The following PLCXD3 variants were observed in gnomAD, a reference collection of about 807,000 sequenced individuals.
The protein encoded by PLCXD3 is phosphatidylinositol specific phospholipase C X domain containing 3, also known as PI-PLC X domain-containing protein 3.
Under a neutral mutation model 25.5 loss-of-function variants are expected in PLCXD3, and 19 were observed. The observed-to-expected ratio is 0.75, with a 90% confidence interval of 0.52 to 1.09. The LOEUF (loss-of-function observed/expected upper bound fraction) is 1.09, where lower values mean the gene tolerates loss of function less well. Among genes scored for constraint, PLCXD3 ranks in the 50% least tolerant of loss-of-function variants. The pLI is 0.00. For synonymous variants in PLCXD3, 174 were observed against 137.6 expected, an observed-to-expected ratio of 1.26 and a Z score of -1.85; for missense variants, 411 against 388.1, an observed-to-expected ratio of 1.06 and a Z score of -0.50.
chr5:41,381,718 C>T (rs1341688225), intron 2 of PLCXD3, 108 bp downstream of exon 2: 4 of 992,514 alleles, frequency 4.0e-6, no homozygotes, highest in African/African-American at 3.3e-5. Context: ...TATTGCAGCC[C>T]CAGGGACCTA....
intron 2 of PLCXD3, among the ~76,000 whole-genome samples, chr5:41,332,104 C>A (rs1353399049): frequency 0.012 from 1,864 of 151,832 alleles, 49 homozygotes; most frequent in African/African-American, 0.043. Context: ...GGATCTAATT[C>A]AACTAAAGAG....
At chr5:41,430,732 C>T (rs545687712) in intron 1 of PLCXD3, among the ~76,000 whole-genome samples, 6 of 152,154 alleles carry the variant, frequency 3.9e-5, no homozygotes, top group South Asian at 2.1e-4. Context: ...TAGTAATTAG[C>T]GCTGGCATAA....
chr5:41,488,115 C>T (rs866639303), intron 1 of PLCXD3, among the ~76,000 whole-genome samples: 89 of 145,170 alleles, frequency 6.1e-4, no homozygotes, highest in Middle Eastern at 7.1e-3. Context: ...TGATGTTCCC[C>T]TTCCTGTGTC....
At chr5:41,357,291 C>A (rs1171994727) in intron 2 of PLCXD3, among the ~76,000 whole-genome samples, 1 of 151,978 alleles carries the variant, frequency 6.6e-6, no homozygotes, top group Non-Finnish European at 1.5e-5. Context: ...ATATAGCTGT[C>A]AAAAATACTG....
intron 1 of PLCXD3, among the ~76,000 whole-genome samples, chr5:41,395,152 CA>C (rs1400810306): frequency 2.0e-5 from 3 of 152,000 alleles, no homozygotes; most frequent in Non-Finnish European, 4.4e-5. Flanking sequence ...GAATAAAACT[CA>C]ATTTTAACAA....
intron 1 of PLCXD3, among the ~76,000 whole-genome samples, chr5:41,429,247 G>A (rs1335247437): frequency 1.3e-5 from 2 of 151,774 alleles, no homozygotes; most frequent in Admixed American, 1.3e-4. Flanking sequence ...TGCTTACAAA[G>A]GACAAAGTGA....
intron 2 of PLCXD3, among the ~76,000 whole-genome samples, chr5:41,358,523 T>C (rs1226545614): frequency 6.6e-6 from 1 of 152,180 alleles, no homozygotes; most frequent in Admixed American, 6.5e-5. Flanking sequence ...CCTCATAGCT[T>C]AGCTCCCACT....
chr5:41,479,087 T>C (rs1748340473), intron 1 of PLCXD3, among the ~76,000 whole-genome samples: 1 of 152,168 alleles, frequency 6.6e-6, no homozygotes, highest in Non-Finnish European at 1.5e-5. Context: ...TCACCAAATG[T>C]TCATTGACAG....
chr5:41,460,533 C>T (rs1049588796), intron 1 of PLCXD3, among the ~76,000 whole-genome samples: 1 of 151,940 alleles, frequency 6.6e-6, no homozygotes, highest in Admixed American at 6.6e-5. Flanking sequence ...GAGTACCTGG[C>T]ATACTGAAAG....
At chr5:41,343,692 T>C (rs1252168270) in intron 2 of PLCXD3, among the ~76,000 whole-genome samples, 2 of 152,114 alleles carry the variant, frequency 1.3e-5, no homozygotes, top group Non-Finnish European at 2.9e-5. Flanking sequence ...TCCAATATAC[T>C]TAAACCTGAA....
intron 2 of PLCXD3, among the ~76,000 whole-genome samples, chr5:41,333,569 A>G (rs1743894989): frequency 6.6e-6 from 1 of 152,162 alleles, no homozygotes; most frequent in Non-Finnish European, 1.5e-5. Flanking sequence ...TTTTTGCTAA[A>G]TTCATCTCTG....
chr5:41,450,013 A>C lies in PLCXD3; in HGVS notation c.103+60411T>G, dbSNP rs552406896. 7.9e-5 allele frequency among the ~76,000 whole-genome samples: 12 copies of C among 152,182 alleles called. No individual in the cohort carries two copies. In the East Asian group the frequency reaches 2.3e-3, roughly 29 times the overall value. On this transcript the variant is annotated intron_variant, in intron 1 of 2. Coordinates refer to ENST00000377801, the MANE Select transcript of PLCXD3 (RefSeq NM_001005473.3). Reference sequence around the variant, plus strand: ...TCAATGGCTTTCTCTGGAGTAGTACACAAGAGAACAGCAATACAGTAAATA... The same window carrying C: ...TCAATGGCTTTCTCTGGAGTAGTACCCAAGAGAACAGCAATACAGTAAATA...
intron 2 of PLCXD3, among the ~76,000 whole-genome samples, chr5:41,343,411 CA>C (rs1345590381): frequency 2.0e-5 from 3 of 152,002 alleles, no homozygotes; most frequent in Admixed American, 2.0e-4. Flanking sequence ...AGAAATCATC[CA>C]TATATTTGGT....
chr5:41,444,415 T>C (rs1170709058), intron 1 of PLCXD3, among the ~76,000 whole-genome samples: 1 of 152,184 alleles, frequency 6.6e-6, no homozygotes, highest in Non-Finnish European at 1.5e-5. Context: ...CATTCAGTGC[T>C]CCTCAGCTAG....
At chr5:41,342,476 G>T (rs1339685224) in intron 2 of PLCXD3, among the ~76,000 whole-genome samples, 1 of 152,106 alleles carries the variant, frequency 6.6e-6, no homozygotes, top group Non-Finnish European at 1.5e-5. Flanking sequence ...GAAAGTGTGG[G>T]CCTCAAAGCA....
In PLCXD3 at chr5:41,382,193, C is replaced by A; in HGVS notation, c.445G>T (p.Gly149Trp). 6 of 1,613,698 alleles carry A rather than the reference C, an allele frequency of 3.7e-6. No individual in the cohort carries two copies. The highest frequency in any genetic ancestry group is 5.1e-6 in the Non-Finnish European group (6 of 1,179,786). ...VVFLDFNHFY[G>W]MQKYHHEKLV... ...TTTTCATGGTGATATTTCTGCATCC[C>A]ATAAAAGTGGTTGAAGTCCAAGAAC... is the stretch of plus-strand genomic sequence containing the variant. Residue 149 changes from glycine to tryptophan, a missense_variant, in exon 2 of 3, where the codon GGG (glycine) becomes TGG (tryptophan). Gly to Trp is a radical substitution (Grantham distance 184). Transcript: ENST00000377801.
intron 2 of PLCXD3, among the ~76,000 whole-genome samples, chr5:41,332,170 G>A (rs1282171443): frequency 2.0e-5 from 3 of 151,794 alleles, no homozygotes; most frequent in Non-Finnish European, 4.4e-5. Flanking sequence ...TACAAAATGG[G>A]AGAAAATTTT....
intron 1 of PLCXD3, among the ~76,000 whole-genome samples, chr5:41,444,076 C>A (rs2150512390): frequency 6.6e-6 from 1 of 152,182 alleles, no homozygotes; most frequent in East Asian, 1.9e-4. Flanking sequence ...AGGCCAGTAT[C>A]TTTAATTAAA....
Position 41,456,271 on chromosome 5 carries a change from C to A in PLCXD3, c.103+54153G>T, listed in dbSNP as rs916527877. Among the ~76,000 whole-genome samples the A allele has an allele frequency of 4.6e-5, 7 of 151,996 alleles. No homozygotes were observed. The East Asian group carries it at 9.8e-4, about 21-fold the overall frequency. ...TGGAACTCTCCTGGCATCTTGGATT[C>A]TGACTAGTTCTGTGGAAATTATCTG... On this transcript the variant is annotated intron_variant, in intron 1 of 2. Coordinates refer to ENST00000377801, the MANE Select transcript of PLCXD3 (RefSeq NM_001005473.3).
Sources: allele counts gnomAD v4.1 joint callset (sites outside exome capture counted in the v4.1 genomes callset), GRCh38; gene constraint gnomAD v4.1.1; transcripts MANE v1.5; gene names NCBI Gene and HGNC (gene_info 2026-07-23, HGNC 2026-07-21).